INPP4B: variants seen among roughly 807,000 people sequenced by gnomAD.
The protein encoded by INPP4B is inositol polyphosphate 4-phosphatase type II.
Under a neutral mutation model 122.5 loss-of-function variants are expected in INPP4B, and 55 were observed. The observed-to-expected ratio is 0.45, with a 90% CI of 0.36 to 0.56. The LOEUF is 0.56. Ranked by LOEUF, INPP4B falls within the 20% of genes least tolerant of loss-of-function variation. The pLI is 0.00. For missense variants in INPP4B, 1,000 were observed against 1,097.7 expected, an observed-to-expected ratio of 0.91 and a Z score of 1.26; for synonymous variants, 403 against 388.7, an observed-to-expected ratio of 1.04 and a Z score of -0.43.
At chr4:142,671,227 C>G (rs1756945419) in intron 2 of INPP4B, among the ~76,000 whole-genome samples, 1 of 152,058 alleles carries the variant, frequency 6.6e-6, no homozygotes. Flanking sequence ...TATACTAAGG[C>G]CTGGCGATCC....
intron 7 of INPP4B, among the ~76,000 whole-genome samples, chr4:142,323,024 A>G (rs145937312): frequency 2.3e-3 from 348 of 152,350 alleles, no homozygotes; most frequent in African/African-American, 7.9e-3. Flanking sequence ...CCTATGAAGA[A>G]TCTTAAAACA....
rs149022331 is a variant in INPP4B, at chr4:142,666,639, C to CTG, written c.-191+59198_-191+59199dup. 2.8e-4 allele frequency among the ~76,000 whole-genome samples: 43 copies of CTG among 151,622 alleles called. No homozygotes were observed. The East Asian group carries it at 5.2e-3, about 18-fold the overall frequency. ...ATTTTTAATGTGGTATTGGCCTTCTCTGTGTGTGTGTGTGCACATGTGTGT... is the reference window on the plus strand; with the variant it reads ...ATTTTTAATGTGGTATTGGCCTTCTCTGTGTGTGTGTGTGTGCACATGTGTGT... On this transcript the variant is annotated intron_variant, in intron 2 of 25. Transcript: ENST00000262992.
chr4:142,638,645 G>A (rs137911505), intron 2 of INPP4B, among the ~76,000 whole-genome samples: 23 of 149,596 alleles, frequency 1.5e-4, no homozygotes, highest in Admixed American at 2.7e-4. Context: ...CCAGGTTCAC[G>A]CCATTCTCCC....
intron 2 of INPP4B, among the ~76,000 whole-genome samples, chr4:142,638,022 T>G (rs1749553012): frequency 6.6e-6 from 1 of 152,232 alleles, no homozygotes. Flanking sequence ...TTAGGTCTTT[T>G]GCCCATTTAA....
intron 7 of INPP4B, among the ~76,000 whole-genome samples, chr4:142,328,217 C>T (rs28636781): frequency 0.026 from 3,947 of 151,910 alleles, 177 homozygotes; most frequent in African/African-American, 0.09. Context: ...AGCGTTTCAA[C>T]AGAAAAAAAA....
intron 2 of INPP4B, among the ~76,000 whole-genome samples, chr4:142,467,771 G>A (rs1818070257): frequency 6.6e-6 from 1 of 152,134 alleles, no homozygotes; most frequent in East Asian, 1.9e-4. Context: ...ATCTCATTTT[G>A]AAATGTGATT....
At chr4:142,383,590 C>T (rs1794943347) in intron 7 of INPP4B, among the ~76,000 whole-genome samples, 1 of 152,056 alleles carries the variant, frequency 6.6e-6, no homozygotes, top group Admixed American at 6.6e-5. Context: ...CAACTTAACT[C>T]AACCACTCCT....
chr4:142,312,433 TAGAA>T (rs1765863323), intron 8 of INPP4B, among the ~76,000 whole-genome samples: 1 of 152,112 alleles, frequency 6.6e-6, no homozygotes, highest in Non-Finnish European at 1.5e-5. Context: ...AAAAATCACT[TAGAA>T]AGCCTAGAGG....
At chr4:142,799,905 A>T (rs998711643) in intron 1 of INPP4B, among the ~76,000 whole-genome samples, 11 of 151,996 alleles carry the variant, frequency 7.2e-5, no homozygotes, top group African/African-American at 2.2e-4. Context: ...TATATCAATT[A>T]TTCAGATTAT....
At chr4:142,736,234 T>G (rs541967935) in intron 1 of INPP4B, among the ~76,000 whole-genome samples, 1 of 152,176 alleles carries the variant, frequency 6.6e-6, no homozygotes, top group Non-Finnish European at 1.5e-5. Flanking sequence ...AAACTTGCTT[T>G]AGATGACATA....
intron 11 of INPP4B, among the ~76,000 whole-genome samples, chr4:142,238,989 C>T (rs28690972): frequency 0.14 from 21,106 of 151,942 alleles, 1,753 homozygotes; most frequent in African/African-American, 0.23. Context: ...TTAAAAATAT[C>T]AGTTGATATT....
intron 5 of INPP4B, chr4:142,426,964 A>C (rs1352646097): frequency 1.3e-5 from 2 of 151,974 alleles, no homozygotes; most frequent in Admixed American, 6.6e-5. Context: ...TTTACTTCTG[A>C]TTAAATAAAT....
chr4:142,700,320 A>G (rs1308173434), intron 2 of INPP4B, among the ~76,000 whole-genome samples: 2 of 152,250 alleles, frequency 1.3e-5, no homozygotes, highest in Non-Finnish European at 2.9e-5. Context: ...TTTAACTTAA[A>G]TAATGAGAGC....
chr4:142,738,376 G>T (rs139052481), intron 1 of INPP4B, among the ~76,000 whole-genome samples: 1 of 151,966 alleles, frequency 6.6e-6, no homozygotes, highest in African/African-American at 2.4e-5. Context: ...ACCAAACACC[G>T]CATGTTGTCA....
chr4:142,075,002 A>G (rs904779756), intron 25 of INPP4B, among the ~76,000 whole-genome samples: 2 of 151,970 alleles, frequency 1.3e-5, no homozygotes, highest in African/African-American at 4.8e-5. Flanking sequence ...CCACTTAATA[A>G]TGAACACTTT....
chr4:142,097,727 C>A (rs1279955365), intron 23 of INPP4B, among the ~76,000 whole-genome samples: 1 of 152,068 alleles, frequency 6.6e-6, no homozygotes, highest in Admixed American at 6.6e-5. Context: ...AATGTGAATT[C>A]CAAAATAATT....
chr4:142,273,401 T>C (rs1746853535), intron 9 of INPP4B, among the ~76,000 whole-genome samples: 1 of 151,952 alleles, frequency 6.6e-6, no homozygotes, highest in African/African-American at 2.4e-5. Flanking sequence ...GCATATGCTA[T>C]CTCAACAGTG....
intron 25 of INPP4B, among the ~76,000 whole-genome samples, chr4:142,047,920 T>C (rs112839983): frequency 0.013 from 1,964 of 152,186 alleles, 44 homozygotes; most frequent in African/African-American, 0.045. Context: ...TATAAGCCAC[T>C]AAGAATTCCA....
chr4:142,715,142 A>G (rs1763601034), intron 2 of INPP4B, among the ~76,000 whole-genome samples: 1 of 152,048 alleles, frequency 6.6e-6, no homozygotes, highest in African/African-American at 2.4e-5. Context: ...TCTCTGCTCT[A>G]GGTAAAAAGA....
Sources: allele counts gnomAD v4.1 joint callset (sites outside exome capture counted in the v4.1 genomes callset), GRCh38; gene constraint gnomAD v4.1.1; transcripts MANE v1.5; gene names NCBI Gene and HGNC (gene_info 2026-07-23, HGNC 2026-07-21).